NR3C2: variants seen among roughly 807,000 people sequenced by gnomAD.
The protein encoded by NR3C2 is nuclear receptor subfamily 3 group C member 2, also known as mineralocorticoid receptor.
NR3C2 carries 15 observed loss-of-function variants against 86.4 expected under a neutral mutation model. The ratio of observed to expected loss-of-function variants is 0.17; its 90% CI spans 0.12 to 0.27. The LOEUF is 0.27. NR3C2 is among the 10% of genes least tolerant of loss of function. The probability of loss-of-function intolerance (pLI) is 1.00; values close to 1 mark genes in which losing one functional copy is unlikely to be tolerated. For synonymous variants in NR3C2, 458 were observed against 450.5 expected (o/e 1.02, Z -0.21); for missense variants, 960 against 1,195.6 (o/e 0.80, Z 2.91).
At chr4:148,305,144 A>G (rs1308753408) in intron 2 of NR3C2, among the ~76,000 whole-genome samples, 1 of 152,216 alleles carries the variant, frequency 6.6e-6, no homozygotes, top group Non-Finnish European at 1.5e-5. Context: ...TTTTACTGGA[A>G]TAACAAAAAA....
At chr4:148,312,351 T>A (rs1409124698) in intron 2 of NR3C2, among the ~76,000 whole-genome samples, 1 of 152,224 alleles carries the variant, frequency 6.6e-6, no homozygotes, top group Non-Finnish European at 1.5e-5. Context: ...ATCTTTGCAT[T>A]CAGTTCAACC....
chr4:148,360,905 T>C (rs1321128295), intron 2 of NR3C2, among the ~76,000 whole-genome samples: 1 of 152,134 alleles, frequency 6.6e-6, no homozygotes, highest in Non-Finnish European at 1.5e-5. Context: ...AAGTCTGGGG[T>C]TCCACGATAA....
intron 3 of NR3C2, among the ~76,000 whole-genome samples, chr4:148,212,534 T>C (rs1233784748): frequency 6.6e-6 from 1 of 152,248 alleles, no homozygotes; most frequent in Non-Finnish European, 1.5e-5. Context: ...AACCTGTCAA[T>C]GCCTTGCCTA....
At chr4:148,320,960 T>C (rs1474496658) in intron 2 of NR3C2, among the ~76,000 whole-genome samples, 2 of 149,308 alleles carry the variant, frequency 1.3e-5, no homozygotes, top group Non-Finnish European at 3.0e-5. Flanking sequence ...GTTCTTTTAA[T>C]TGTGATGTTA....
intron 2 of NR3C2, among the ~76,000 whole-genome samples, chr4:148,281,213 T>C (rs1741219989): frequency 6.6e-6 from 1 of 152,158 alleles, no homozygotes; most frequent in South Asian, 2.1e-4. Flanking sequence ...GCAGCAGACT[T>C]GGGGAAAAAG....
At chr4:148,333,333 C>T (rs1033904251) in intron 2 of NR3C2, among the ~76,000 whole-genome samples, 15 of 152,120 alleles carry the variant, frequency 9.9e-5, no homozygotes, top group African/African-American at 3.4e-4. Context: ...TTTGTATCAT[C>T]AACTGATCTC....
rs28452605 is a variant in NR3C2, at chr4:148,336,437, A to G, written c.1758-76320T>C. On this transcript the variant is annotated intron_variant, in intron 2 of 8. Coordinates refer to ENST00000358102, the MANE Select transcript of NR3C2 (RefSeq NM_000901.5). ...GGACTTCAAAGTGCCCAATGTGTTC[A>G]GCTAAATTGGTATGATTTAGCCGAA... 6.3e-3 allele frequency among the ~76,000 whole-genome samples: 959 copies of G among 152,298 alleles called. 7 individuals are homozygous for G. The highest frequency in any genetic ancestry group is 0.022 in the African/African-American group (931 of 41,550).
intron 3 of NR3C2, among the ~76,000 whole-genome samples, chr4:148,242,729 A>AC (rs1739122164): frequency 3.3e-5 from 5 of 152,200 alleles, no homozygotes; most frequent in Non-Finnish European, 5.9e-5. Flanking sequence ...ACCAATGCAA[A>AC]TGTATCATCA....
At chr4:148,402,299 G>A (rs926657472) in intron 2 of NR3C2, among the ~76,000 whole-genome samples, 2 of 152,204 alleles carry the variant, frequency 1.3e-5, no homozygotes, top group Non-Finnish European at 2.9e-5. Flanking sequence ...GGGGAAGGAG[G>A]AGAAGCTAAT....
intron 2 of NR3C2, among the ~76,000 whole-genome samples, chr4:148,432,460 T>C (rs1749839172): frequency 6.6e-6 from 1 of 152,180 alleles, no homozygotes; most frequent in Non-Finnish European, 1.5e-5. Context: ...TGATCTGTGT[T>C]CCATTTTGGG....
At chr4:148,369,093 G>T (rs1041870165) in intron 2 of NR3C2, among the ~76,000 whole-genome samples, 1 of 152,164 alleles carries the variant, frequency 6.6e-6, no homozygotes, top group Non-Finnish European at 1.5e-5. Context: ...GAAGAAGTGG[G>T]GCTGGGGCTG....
intron 8 of NR3C2, among the ~76,000 whole-genome samples, chr4:148,110,066 A>C (rs1731982943): frequency 1.3e-5 from 2 of 152,350 alleles, no homozygotes; most frequent in East Asian, 3.9e-4. Flanking sequence ...TATGCTTTAC[A>C]TATGACACCT....
intron 6 of NR3C2, among the ~76,000 whole-genome samples, chr4:148,151,816 A>G (rs1403051445): frequency 6.6e-6 from 1 of 152,252 alleles, no homozygotes; most frequent in Non-Finnish European, 1.5e-5. Flanking sequence ...AAGCACTGCT[A>G]GATACAAACA....
At chr4:148,237,533 G>A (rs13142928) in intron 3 of NR3C2, among the ~76,000 whole-genome samples, 140,097 of 152,162 alleles carry the variant, frequency 0.92, 65,600 homozygotes, top group East Asian at 1. Context: ...ATAAACCAGA[G>A]GGATTTTCCA....
At chr4:148,372,415 G>C (rs1411780999) in intron 2 of NR3C2, among the ~76,000 whole-genome samples, 1 of 151,700 alleles carries the variant, frequency 6.6e-6, no homozygotes, top group Non-Finnish European at 1.5e-5. Flanking sequence ...CTGTTTCTCA[G>C]ATCCTTGAAG....
At position 148,436,755 on chromosome 4, in the gene NR3C2, T is replaced by G; in HGVS notation, c.106A>C (p.Arg36=). Residue 36 remains arginine, a synonymous_variant, in exon 2 of 9, where the codon AGG becomes CGG. Transcript: ENST00000358102. ...VERSSLGPTE[R]TDENNYMEIV... ...TCCATGTAGTTATTCTCATCGGTCC[T>G]CTCTGTAGGTCCCAGGGAAGAACGC... 1 of 1,614,098 alleles carries G rather than the reference T, an allele frequency of 6.2e-7. No individual in the cohort carries two copies. The highest frequency in any genetic ancestry group is 8.5e-7 in the Non-Finnish European group (1 of 1,179,956).
chr4:148,189,787 T>C (rs4835497), intron 4 of NR3C2, among the ~76,000 whole-genome samples: 75,215 of 152,042 alleles, frequency 0.49, 20,109 homozygotes, highest in African/African-American at 0.7. Flanking sequence ...TTTTCCAAGA[T>C]TTTATCCATC....
Position 148,234,610 on chromosome 4 carries a change from G to A in NR3C2, c.1897+25368C>T, listed in dbSNP as rs1173243796. On this transcript the variant is annotated intron_variant, in intron 3 of 8. Transcript: ENST00000358102. The stretch of plus-strand genomic sequence containing the variant: ...AGGCAGGAGAATTGCTTGAACCCAG[G>A]AAGCAGAGGTTGCAGTGAGCCAAGA... 1.3e-5 allele frequency among the ~76,000 whole-genome samples: 2 copies of A among 151,490 alleles called. 1 individual carries two copies.
intron 2 of NR3C2, among the ~76,000 whole-genome samples, chr4:148,335,703 T>C (rs1050218789): frequency 6.6e-6 from 1 of 152,110 alleles, no homozygotes; most frequent in Non-Finnish European, 1.5e-5. Context: ...TCGAATGTTC[T>C]AGTCAGTTTT....
Sources: allele counts gnomAD v4.1 joint callset (sites outside exome capture counted in the v4.1 genomes callset), GRCh38; gene constraint gnomAD v4.1.1; transcripts MANE v1.5; gene names NCBI Gene and HGNC (gene_info 2026-07-23, HGNC 2026-07-21).